The following PELI2 variants were observed in gnomAD, a reference collection of about 807,000 sequenced individuals.
PELI2 encodes the protein E3 ubiquitin-protein ligase pellino homolog 2.
A neutral mutation model predicts 42.3 loss-of-function variants in PELI2; 23 were observed. That is an observed-to-expected ratio of 0.54 (90% CI 0.39 to 0.77). PELI2 has a LOEUF of 0.77. Ranked by LOEUF, PELI2 falls within the 30% of genes least tolerant of loss-of-function variation. The pLI is 0.00. For missense variants in PELI2, 463 were observed against 553.2 expected (o/e 0.84, Z 1.64); for synonymous variants, 245 against 212.2 (o/e 1.15, Z -1.34).
intron 2 of PELI2, among the ~76,000 whole-genome samples, chr14:56,234,517 C>G (rs1887711681): frequency 6.6e-6 from 1 of 152,114 alleles, no homozygotes; most frequent in African/African-American, 2.4e-5. Context: ...AACCAAACAC[C>G]ATGTGTTCTC....
At chr14:56,162,083 AGGGTATC>A (rs1464291989) in intron 1 of PELI2, among the ~76,000 whole-genome samples, 1 of 152,252 alleles carries the variant, frequency 6.6e-6, no homozygotes, top group Non-Finnish European at 1.5e-5. Flanking sequence ...TATGGAGAAC[AGGGTATC>A]CATCCCCTCA....
intron 2 of PELI2, among the ~76,000 whole-genome samples, chr14:56,241,315 G>C (rs538088738): frequency 6.6e-6 from 1 of 152,122 alleles, no homozygotes; most frequent in Non-Finnish European, 1.5e-5. Context: ...AGAACAATTG[G>C]GGGGGAAAAA....
chr14:56,287,120 T>C (rs760188477), intron 3 of PELI2, among the ~76,000 whole-genome samples: 1 of 152,194 alleles, frequency 6.6e-6, no homozygotes, highest in Non-Finnish European at 1.5e-5. Context: ...GAAAAGTCAT[T>C]GCCCTCTTCC....
Position 56,220,065 on chromosome 14 carries a change from G to A in PELI2, c.207+41601G>A, listed in dbSNP as rs146199977. On this transcript the variant is annotated intron_variant, in intron 2 of 5. Coordinates refer to ENST00000267460, the MANE Select transcript of PELI2 (RefSeq NM_021255.3). ...AGAATTTTCCTGTTTCACCAAACGT[G>A]TCTTATCTACAGGCTGCAGACATTC... Among the ~76,000 whole-genome samples, 92 of 152,312 alleles carry A rather than the reference G, an allele frequency of 6.0e-4. No individual in the cohort carries two copies. In the Middle Eastern group the frequency reaches 0.01, roughly 17 times the overall value.
At chr14:56,262,504 G>A (rs1010341668) in intron 2 of PELI2, among the ~76,000 whole-genome samples, 7 of 151,726 alleles carry the variant, frequency 4.6e-5, no homozygotes, top group South Asian at 4.2e-4. Context: ...AATTCTTTTC[G>A]CCATTAATTT....
chr14:56,248,944 T>C (rs1363740911), intron 2 of PELI2, among the ~76,000 whole-genome samples: 1 of 152,116 alleles, frequency 6.6e-6, no homozygotes, highest in Non-Finnish European at 1.5e-5. Context: ...TAATGGTCAT[T>C]TCAAAAAGTA....
chr14:56,157,576 A>C (rs1025997577), intron 1 of PELI2, among the ~76,000 whole-genome samples: 1 of 152,204 alleles, frequency 6.6e-6, no homozygotes, highest in African/African-American at 2.4e-5. Flanking sequence ...CAAAGCCAAA[A>C]TGATTTGTAA....
chr14:56,216,490 T>C (rs1173940145), intron 2 of PELI2, among the ~76,000 whole-genome samples: 3 of 152,258 alleles, frequency 2.0e-5, no homozygotes, highest in Non-Finnish European at 4.4e-5. Context: ...CAACAAGACA[T>C]AGGCTGTTCT....
intron 1 of PELI2, among the ~76,000 whole-genome samples, chr14:56,176,330 A>G (rs1014694618): frequency 3.3e-5 from 5 of 152,240 alleles, no homozygotes; most frequent in African/African-American, 7.2e-5. Flanking sequence ...TCTCAACTCC[A>G]GTGGGGATGG....
chr14:56,223,241 C>T (rs1887215451), intron 2 of PELI2, among the ~76,000 whole-genome samples: 1 of 152,216 alleles, frequency 6.6e-6, no homozygotes, highest in African/African-American at 2.4e-5. Flanking sequence ...AACTCCCTCT[C>T]TGGTCTTAAT....
chr14:56,146,119 A>G (rs1461661140), intron 1 of PELI2, among the ~76,000 whole-genome samples: 1 of 152,102 alleles, frequency 6.6e-6, no homozygotes, highest in Non-Finnish European at 1.5e-5. Context: ...AGTTCAGACT[A>G]CCTCTCCTGC....
At chr14:56,249,236 C>T (rs1888262352) in intron 2 of PELI2, among the ~76,000 whole-genome samples, 1 of 126,040 alleles carries the variant, frequency 7.9e-6, no homozygotes, top group Non-Finnish European at 1.9e-5. Context: ...TACTCTGTGC[C>T]AGGCAGGGAT....
At chr14:56,119,938 T>G (rs1260738420) in intron 1 of PELI2, 2 of 614,534 alleles carry the variant, frequency 3.3e-6, no homozygotes, top group African/African-American at 4.0e-5. Context: ...TTTTGATAAG[T>G]GAGTGCCTTG....
rs74599688 is a variant in PELI2, at chr14:56,173,595, T to A, written c.78-4740T>A. 1.4e-3 allele frequency among the ~76,000 whole-genome samples: 215 copies of A among 152,164 alleles called. 10 individuals are homozygous for A. The East Asian group carries it at 0.041, about 29-fold the overall frequency. ...CTCTTACAGTTCTAGAGGCCACAAG[T>A]CTGAAATCAAGGTGTCGGCAGGGCC... On this transcript the variant is annotated intron_variant, in intron 1 of 5. Coordinates refer to ENST00000267460, the MANE Select transcript of PELI2 (RefSeq NM_021255.3).
chr14:56,275,573 T>TGC (rs1393614147), intron 2 of PELI2, among the ~76,000 whole-genome samples: 1 of 152,146 alleles, frequency 6.6e-6, no homozygotes, highest in East Asian at 1.9e-4. Flanking sequence ...ATCCCTCACA[T>TGC]GCGCATTCAC....
intron 2 of PELI2, among the ~76,000 whole-genome samples, chr14:56,238,569 T>C (rs1023428653): frequency 6.6e-6 from 1 of 152,194 alleles, no homozygotes; most frequent in Non-Finnish European, 1.5e-5. Flanking sequence ...TCCGTGCTCT[T>C]AAGTAACTTT....
At chr14:56,229,015 G>C (rs1444408746) in intron 2 of PELI2, among the ~76,000 whole-genome samples, 1 of 152,252 alleles carries the variant, frequency 6.6e-6, no homozygotes, top group Non-Finnish European at 1.5e-5. Context: ...ACAGCAGTCT[G>C]AGATCGAACT....
intron 2 of PELI2, among the ~76,000 whole-genome samples, chr14:56,212,377 A>C (rs1594643824): frequency 1.3e-5 from 2 of 152,182 alleles, no homozygotes; most frequent in East Asian, 3.8e-4. Context: ...GCTGACTTTC[A>C]GTTGATCACT....
chr14:56,289,411 T>A (rs1382491957), intron 4 of PELI2, among the ~76,000 whole-genome samples: 1 of 152,148 alleles, frequency 6.6e-6, no homozygotes, highest in Non-Finnish European at 1.5e-5. Flanking sequence ...ACATGACAAC[T>A]TCCAGCCAGA....
Sources: allele counts gnomAD v4.1 joint callset (sites outside exome capture counted in the v4.1 genomes callset), GRCh38; gene constraint gnomAD v4.1.1; transcripts MANE v1.5; gene names NCBI Gene and HGNC (gene_info 2026-07-23, HGNC 2026-07-21).